Variants in PPFIA1 observed in about 807,000 individuals in gnomAD.
The protein encoded by PPFIA1 is liprin-alpha-1.
Under a neutral mutation model 149.9 loss-of-function variants are expected in PPFIA1, and 25 were observed. The ratio of observed to expected loss-of-function variants is 0.17; its 90% CI spans 0.12 to 0.23. The LOEUF is 0.23. Among genes scored for constraint, PPFIA1 ranks in the 10% least tolerant of loss-of-function variants. The pLI is 1.00. For synonymous variants in PPFIA1, 549 were observed against 552.8 expected, an observed-to-expected ratio of 0.99 and a Z score of 0.10; for missense variants, 1,362 against 1,506.5, an observed-to-expected ratio of 0.90 and a Z score of 1.59.
intron 2 of PPFIA1, among the ~76,000 whole-genome samples, chr11:70,283,685 G>A (rs1475563809): frequency 2.7e-5 from 4 of 146,876 alleles, no homozygotes; most frequent in Non-Finnish European, 6.0e-5. Context: ...GCAGAGGGCA[G>A]TAGAAAAGAA....
chr11:70,276,270 CTTTT>C (rs567492443), intron 2 of PPFIA1, among the ~76,000 whole-genome samples: 1 of 136,510 alleles, frequency 7.3e-6, no homozygotes, highest in Non-Finnish European at 1.6e-5. Context: ...CTGCGCCTTG[CTTTT>C]TTTTTTTTTT....
chr11:70,375,191 A>AG, intron 24 of PPFIA1, 98 bp downstream of exon 24: 1 of 405,352 alleles, frequency 2.5e-6, no homozygotes, highest in East Asian at 9.6e-5. Context: ...TAAAAAAAAA[A>AG]AAAAAAAAAA....
intron 2 of PPFIA1, among the ~76,000 whole-genome samples, chr11:70,299,144 CAA>C (rs1330337650): frequency 6.6e-6 from 1 of 152,228 alleles, no homozygotes; most frequent in South Asian, 2.1e-4. Flanking sequence ...GAGGCTGAGA[CAA>C]GAGGATCACT....
intron 2 of PPFIA1, among the ~76,000 whole-genome samples, chr11:70,317,815 C>G (rs2136656861): frequency 6.6e-6 from 1 of 152,264 alleles, no homozygotes; most frequent in Non-Finnish European, 1.5e-5. Context: ...GTGAAGTGCT[C>G]TTCCTCCACT....
chr11:70,373,034 A>G (rs1005452771), intron 23 of PPFIA1, among the ~76,000 whole-genome samples: 3 of 152,170 alleles, frequency 2.0e-5, no homozygotes, highest in Non-Finnish European at 2.9e-5. Context: ...CAGCGTCTGC[A>G]TTTCAGCTGG....
chr11:70,309,438 G>C (rs919423090), intron 2 of PPFIA1, among the ~76,000 whole-genome samples: 5 of 152,020 alleles, frequency 3.3e-5, no homozygotes. Context: ...CAAAGTGCTG[G>C]GTTTACAGGC....
chr11:70,376,873 A>T (rs1009984904), intron 25 of PPFIA1, among the ~76,000 whole-genome samples: 2 of 152,148 alleles, frequency 1.3e-5, no homozygotes, highest in Non-Finnish European at 2.9e-5. Flanking sequence ...GGAGTTTAAG[A>T]CCAGCCCGGC....
At chr11:70,361,617 A>ATT (rs750170044) in intron 19 of PPFIA1, among the ~76,000 whole-genome samples, 2 of 140,258 alleles carry the variant, frequency 1.4e-5, no homozygotes, top group Non-Finnish European at 1.6e-5. Flanking sequence ...GCTGGTTGTA[A>ATT]TTTTTTTTTT....
intron 14 of PPFIA1, chr11:70,341,019 G>A (rs2055298144): frequency 2.8e-6 from 1 of 352,294 alleles, no homozygotes; most frequent in Admixed American, 3.7e-5. Context: ...TCCTGGTCTT[G>A]GAAGCCACAG....
chr11:70,312,437 C>T (rs1344186066), intron 2 of PPFIA1, among the ~76,000 whole-genome samples: 1 of 152,176 alleles, frequency 6.6e-6, no homozygotes, highest in African/African-American at 2.4e-5. Context: ...ATGATCCTCC[C>T]ACCCGAGCCC....
At chr11:70,317,276 A>T (rs1171498278) in intron 2 of PPFIA1, among the ~76,000 whole-genome samples, 1 of 152,166 alleles carries the variant, frequency 6.6e-6, no homozygotes, top group Non-Finnish European at 1.5e-5. Flanking sequence ...TGCAATAATA[A>T]TGCAAGCAGT....
intron 7 of PPFIA1, chr11:70,329,827 T>C (rs953768489): frequency 1.9e-5 from 4 of 214,742 alleles, no homozygotes; most frequent in African/African-American, 9.3e-5. Flanking sequence ...ACTGGGAAGA[T>C]TGAGGTGGAA....
At chr11:70,313,365 G>T (rs2053408801) in intron 2 of PPFIA1, among the ~76,000 whole-genome samples, 1 of 152,154 alleles carries the variant, frequency 6.6e-6, no homozygotes. Flanking sequence ...GACCTTAAGG[G>T]CAATGGGAAG....
At chr11:70,348,604 G>T (rs2055862135) in intron 16 of PPFIA1, among the ~76,000 whole-genome samples, 184 bp downstream of exon 16, 2 of 152,234 alleles carry the variant, frequency 1.3e-5, no homozygotes, top group Admixed American at 1.3e-4. Flanking sequence ...CTGGGGCCGG[G>T]CGTGGTGGCT....
chr11:70,320,229 A>T (rs536924146), intron 2 of PPFIA1: 12 of 152,386 alleles, frequency 7.9e-5, no homozygotes, highest in Middle Eastern at 6.8e-3. Context: ...CAAACCAAAA[A>T]GCATAGCCAG....
intron 2 of PPFIA1, among the ~76,000 whole-genome samples, chr11:70,311,975 AG>A (rs2053315897): frequency 6.6e-6 from 1 of 150,650 alleles, no homozygotes; most frequent in Admixed American, 6.6e-5. Context: ...CCCGAGCAGC[AG>A]GGACTACAGG....
intron 19 of PPFIA1, among the ~76,000 whole-genome samples, chr11:70,361,416 G>A (rs1259758332): frequency 6.6e-6 from 1 of 152,110 alleles, no homozygotes; most frequent in Non-Finnish European, 1.5e-5. Flanking sequence ...GTAAATAGCT[G>A]TTGTACTGTA....
intron 19 of PPFIA1, among the ~76,000 whole-genome samples, chr11:70,356,626 A>G (rs2056376001): frequency 6.6e-6 from 1 of 152,218 alleles, no homozygotes; most frequent in Admixed American, 6.5e-5. Context: ...GGATCCTAGT[A>G]GTACATACCT....
intron 2 of PPFIA1, among the ~76,000 whole-genome samples, chr11:70,293,472 G>A (rs2051676489): frequency 6.6e-6 from 1 of 152,320 alleles, no homozygotes; most frequent in East Asian, 1.9e-4. Flanking sequence ...TGGAACAATA[G>A]AGAAGCAAAT....
Sources: gnomAD v4.1 joint callset for allele counts (sites outside exome capture counted in the v4.1 genomes callset) on GRCh38, gnomAD v4.1.1 for gene constraint, MANE v1.5 for transcripts, NCBI Gene and HGNC (gene_info 2026-07-23, HGNC 2026-07-21) for gene names.